Variants in SLC9A9 observed in about 807,000 individuals in gnomAD.
SLC9A9 encodes the protein sodium/hydrogen exchanger 9.
In SLC9A9, 62 loss-of-function variants were observed where a neutral mutation model predicts 77.8. The observed-to-expected ratio is 0.80, with a 90% CI of 0.65 to 0.98. The LOEUF (loss-of-function observed/expected upper bound fraction) is 0.98, where lower values mean the gene tolerates loss of function less well. Ranked by LOEUF, SLC9A9 falls within the 50% of genes least tolerant of loss-of-function variation. The pLI is 0.00. For missense variants in SLC9A9, 775 were observed against 774.9 expected, an observed-to-expected ratio of 1.00 and a Z score of 0.00; for synonymous variants, 320 against 283.5, an observed-to-expected ratio of 1.13 and a Z score of -1.29.
intron 4 of SLC9A9, among the ~76,000 whole-genome samples, chr3:143,730,485 G>A (rs964540098): frequency 1.3e-5 from 2 of 152,084 alleles, no homozygotes; most frequent in African/African-American, 2.4e-5. Flanking sequence ...AGTTCCTACT[G>A]CCTAGAACAT....
chr3:143,462,344 C>T (rs537760132), intron 12 of SLC9A9, among the ~76,000 whole-genome samples: 1 of 152,152 alleles, frequency 6.6e-6, no homozygotes, highest in African/African-American at 2.4e-5. Flanking sequence ...CTGCACTCCA[C>T]CCTCGGTGAG....
intron 1 of SLC9A9, among the ~76,000 whole-genome samples, chr3:143,834,571 C>CTTTTTTT (rs5853131): frequency 8.6e-6 from 1 of 116,940 alleles, no homozygotes; most frequent in Non-Finnish European, 1.7e-5. Flanking sequence ...GCGAGGCACT[C>CTTTTTTT]TTTTTTTTTT....
rs2007736068 is a variant in SLC9A9 at position 143,777,680 on chromosome 3, A to G, written c.533+17321T>C. ...TGAAGAGGCATTAATTAGTTTATTAATTAGTATTATTACTTCCAAACTATT... is the reference window on the plus strand; with the variant it reads ...TGAAGAGGCATTAATTAGTTTATTAGTTAGTATTATTACTTCCAAACTATT... On this transcript the variant is annotated intron_variant, in intron 4 of 15. Transcript: ENST00000316549. 4.0e-5 allele frequency among the ~76,000 whole-genome samples: 6 copies of G among 150,640 alleles called. No individual in the cohort carries two copies. In the South Asian group the frequency reaches 1.1e-3, roughly 26 times the overall value.
intron 2 of SLC9A9, among the ~76,000 whole-genome samples, chr3:143,824,108 A>C (rs187031174): frequency 6.6e-6 from 1 of 152,256 alleles, no homozygotes; most frequent in Non-Finnish European, 1.5e-5. Flanking sequence ...ATGGTACCTC[A>C]TGGCACTTCC....
intron 4 of SLC9A9, among the ~76,000 whole-genome samples, chr3:143,726,251 GA>G (rs3055626): frequency 1.2e-4 from 17 of 136,928 alleles, no homozygotes; most frequent in South Asian, 2.3e-4. Flanking sequence ...AATAAAAAAA[GA>G]AAAAAAAAAA....
intron 2 of SLC9A9, among the ~76,000 whole-genome samples, chr3:143,806,689 T>G (rs2008722564): frequency 6.7e-6 from 1 of 149,440 alleles, no homozygotes; most frequent in Non-Finnish European, 1.5e-5. Context: ...AGAGAAAGAG[T>G]AAGTAGAATG....
intron 14 of SLC9A9, among the ~76,000 whole-genome samples, chr3:143,284,193 G>T (rs982553561): frequency 6.6e-6 from 1 of 152,040 alleles, no homozygotes; most frequent in Admixed American, 6.6e-5. Flanking sequence ...ATTTACTTAC[G>T]ATTATTTACC....
chr3:143,300,130 G>A (rs557195778), intron 14 of SLC9A9, among the ~76,000 whole-genome samples: 169 of 152,272 alleles, frequency 1.1e-3, no homozygotes, highest in Non-Finnish European at 1.6e-3. Context: ...GGTTAAAAGC[G>A]TGTGCTTTTA....
At chr3:143,339,364 T>A (rs1028442525) in intron 14 of SLC9A9, among the ~76,000 whole-genome samples, 12 of 152,152 alleles carry the variant, frequency 7.9e-5, no homozygotes, top group African/African-American at 2.9e-4. Context: ...CACAGCTGCA[T>A]ATGAGGTGAG....
intron 1 of SLC9A9, among the ~76,000 whole-genome samples, chr3:143,833,452 G>C (rs1576759717): frequency 6.6e-6 from 1 of 152,318 alleles, no homozygotes; most frequent in South Asian, 2.1e-4. Flanking sequence ...GTATAGACAG[G>C]GGGTATTCCG....
intron 4 of SLC9A9, among the ~76,000 whole-genome samples, chr3:143,788,731 A>G (rs918552872): frequency 2.0e-5 from 3 of 150,652 alleles, no homozygotes; most frequent in Non-Finnish European, 3.0e-5. Context: ...GATGATGTAT[A>G]CTTCATACAT....
chr3:143,441,430 A>T (rs2034732807), intron 12 of SLC9A9, among the ~76,000 whole-genome samples: 1 of 152,176 alleles, frequency 6.6e-6, no homozygotes, highest in African/African-American at 2.4e-5. Context: ...TAATATTCCT[A>T]CTGCATCAGA....
At chr3:143,270,707 T>C (rs1420211815) in intron 14 of SLC9A9, among the ~76,000 whole-genome samples, 1 of 152,106 alleles carries the variant, frequency 6.6e-6, no homozygotes, top group Non-Finnish European at 1.5e-5. Flanking sequence ...GTCAAGGCTC[T>C]GAGCTTGAAA....
intron 12 of SLC9A9, among the ~76,000 whole-genome samples, chr3:143,459,180 C>A (rs536614257): frequency 1.3e-5 from 2 of 151,732 alleles, no homozygotes; most frequent in South Asian, 4.2e-4. Flanking sequence ...GGCATGGTTA[C>A]AATAGCTGCT....
intron 4 of SLC9A9, among the ~76,000 whole-genome samples, chr3:143,747,048 A>G (rs1041639970): frequency 1.6e-4 from 24 of 152,280 alleles, no homozygotes; most frequent in Admixed American, 1.0e-3. Flanking sequence ...ACGCTGAACA[A>G]TGGGCCCACA....
intron 4 of SLC9A9, among the ~76,000 whole-genome samples, chr3:143,763,639 C>G (rs1341680713): frequency 6.6e-6 from 1 of 151,862 alleles, no homozygotes; most frequent in East Asian, 1.9e-4. Context: ...AATATACCAA[C>G]CAGTAAGTAA....
chr3:143,576,254 G>C (rs1192310579), intron 7 of SLC9A9, among the ~76,000 whole-genome samples: 1 of 152,224 alleles, frequency 6.6e-6, no homozygotes, highest in African/African-American at 2.4e-5. Flanking sequence ...AATTGGGATA[G>C]TAACAGTATC....
rs529054929 is a variant in SLC9A9 at position 143,460,680 on chromosome 3, G to A, written c.1469+6357C>T. Among the ~76,000 whole-genome samples the A allele has an allele frequency of 3.9e-5, 6 of 152,258 alleles. No individual in the cohort carries two copies. The South Asian group carries it at 1.2e-3, about 32-fold the overall frequency. ...GCTGGCAGTTGTGGAGTTAAAGACT[G>A]TTATCTCTGGACCTGAGACAATTTG... On this transcript the variant is annotated intron_variant, in intron 12 of 15. Transcript: ENST00000316549.
chr3:143,465,674 T>C (rs1233324642), intron 12 of SLC9A9, among the ~76,000 whole-genome samples: 1 of 152,148 alleles, frequency 6.6e-6, no homozygotes, highest in Non-Finnish European at 1.5e-5. Context: ...TGAATTTTGT[T>C]TTCCAGAAAC....
Sources: allele counts gnomAD v4.1 joint callset (sites outside exome capture counted in the v4.1 genomes callset), GRCh38; gene constraint gnomAD v4.1.1; transcripts MANE v1.5; gene names NCBI Gene and HGNC (gene_info 2026-07-23, HGNC 2026-07-21).